SLC47A1: variants seen among roughly 807,000 people sequenced by gnomAD.
SLC47A1 encodes solute carrier family 47 member 1.
Under a neutral mutation model 65.8 loss-of-function variants are expected in SLC47A1, and 58 were observed. The ratio of observed to expected loss-of-function variants is 0.88; its 90% CI spans 0.71 to 1.10. The LOEUF is 1.10. Among genes scored for constraint, SLC47A1 ranks in the 50% least tolerant of loss-of-function variants. SLC47A1 has a pLI of 0.00. For missense variants in SLC47A1, 706 were observed against 719.2 expected (o/e 0.98, Z 0.21); for synonymous variants, 285 against 295.0 (o/e 0.97, Z 0.35).
chr17:19,557,962 A>C, intron 10 of SLC47A1: 1 of 231,776 alleles, frequency 4.3e-6, no homozygotes, highest in Non-Finnish European at 8.8e-6. Flanking sequence ...TTTTGAATAT[A>C]TTTCCATATG....
At chr17:19,544,224 G>A (rs774958198) in intron 2 of SLC47A1, among the ~76,000 whole-genome samples, 5 of 152,230 alleles carry the variant, frequency 3.3e-5, no homozygotes, top group African/African-American at 1.2e-4. Context: ...GATTACAGGC[G>A]TGAGCCACTG....
intron 12 of SLC47A1, among the ~76,000 whole-genome samples, chr17:19,563,857 C>G (rs1367190385): frequency 6.6e-6 from 1 of 151,968 alleles, no homozygotes. Context: ...GGCGTGGTGG[C>G]ACGCACCTGT....
chr17:19,567,793 A>G (rs1004196024), intron 14 of SLC47A1: 3 of 155,480 alleles, frequency 1.9e-5, no homozygotes, highest in African/African-American at 7.2e-5. Flanking sequence ...TGCCCTTCTC[A>G]TCACCCTCAT....
intron 12 of SLC47A1, among the ~76,000 whole-genome samples, chr17:19,562,363 G>A (rs2084318224): frequency 6.6e-6 from 1 of 152,046 alleles, no homozygotes; most frequent in South Asian, 2.1e-4. Context: ...AGGAGTTCAA[G>A]ACCAGCTGGT....
At position 19,533,890 on chromosome 17, in the gene SLC47A1, C is replaced by CGGTACTCACTGCCGGCCTCCGT; in HGVS notation, c.-45_-44insTCACTGCCGGCCTCCGTGGTAC. 1 of 1,439,052 alleles carries CGGTACTCACTGCCGGCCTCCGT rather than the reference C, an allele frequency of 6.9e-7. No homozygotes were observed. The highest frequency in any genetic ancestry group is 9.1e-7 in the Non-Finnish European group (1 of 1,100,146). 89.1% of individuals were successfully genotyped at this position (1,439,052 alleles called of 1,614,324 possible). On this transcript the variant is annotated 5_prime_UTR_variant, in exon 1 of 17. Transcript: ENST00000270570. ...GCGCGGTACTCACTGCCGGCCTCCG[C>CGGTACTCACTGCCGGCCTCCGT]GGTACCCACTGCCGGCCTCCGCGCT...
chr17:19,577,183 ATTTCT>A (rs2152318365), intron 16 of SLC47A1, 139 bp from the exon 17 acceptor site: 6 of 1,205,984 alleles, frequency 5.0e-6, no homozygotes, highest in South Asian at 3.3e-5. Context: ...CTGCGATAAG[ATTTCT>A]TTTATTTATT....
intron 14 of SLC47A1, among the ~76,000 whole-genome samples, chr17:19,570,545 A>G (rs559588789): frequency 6.6e-6 from 1 of 152,314 alleles, no homozygotes; most frequent in East Asian, 1.9e-4. Flanking sequence ...GTGCAGACCA[A>G]AATTAGGCAA....
At chr17:19,540,455 G>A (rs1391692782) in intron 1 of SLC47A1, among the ~76,000 whole-genome samples, 1 of 152,166 alleles carries the variant, frequency 6.6e-6, no homozygotes, top group Non-Finnish European at 1.5e-5. Context: ...ACAAATAAAA[G>A]GGACCCTGTG....
chr17:19,552,172 A>G (rs141311429), intron 6 of SLC47A1, among the ~76,000 whole-genome samples: 73 of 152,324 alleles, frequency 4.8e-4, no homozygotes, highest in African/African-American at 1.7e-3. Context: ...TTTCCCACCT[A>G]TGCAGTGTTC....
chr17:19,555,505 G>A (rs1046835558), intron 7 of SLC47A1, 88 bp from the exon 8 acceptor site: 9 of 1,414,038 alleles, frequency 6.4e-6, no homozygotes, highest in South Asian at 2.4e-5. Flanking sequence ...AGGACAGCAC[G>A]GGAAGGGATG....
intron 12 of SLC47A1, among the ~76,000 whole-genome samples, chr17:19,562,523 CCACTG>C (rs1244503570): frequency 6.6e-6 from 1 of 151,488 alleles, no homozygotes; most frequent in Admixed American, 6.6e-5. Flanking sequence ...TGAGATTGTG[CCACTG>C]CACTCCAGCC....
At chr17:19,545,198 A>AT (rs1567966663) in intron 2 of SLC47A1, among the ~76,000 whole-genome samples, 7 of 151,698 alleles carry the variant, frequency 4.6e-5, no homozygotes, top group East Asian at 1.9e-4. Context: ...CTTAATAAAA[A>AT]ATTTTTTTTT....
In SLC47A1 at chr17:19,562,633, C is replaced by G. The variant is rs142957984; in HGVS notation, c.1106+2140C>G. On this transcript the variant is annotated intron_variant, in intron 12 of 16. Transcript: ENST00000270570. ...GGGGAAGGCGATGGCAAATAGTTGG[C>G]TTTTCTCACAAAGGGAATCAGGATG... Among the ~76,000 whole-genome samples, 79 of 151,816 alleles carry G rather than the reference C, an allele frequency of 5.2e-4. 2 individuals carry two copies. The East Asian group carries it at 7.7e-3, about 15-fold the overall frequency.
In SLC47A1 at chr17:19,572,790, A is replaced by T. The variant is rs1472045512; in HGVS notation, c.1415A>T (p.His472Leu). ...WKKACQQAQV[H>L]ANLKVNNVPR... ...AGTTTCATTTTCCAGGCTCAGGTAC[A>T]CGCCAATTTGAAAGTAAACAACGTG... Residue 472 changes from histidine (H) to leucine (L), a missense_variant, in exon 16 of 17, where the codon CAC (histidine) becomes CTC (leucine). Physicochemically the swap from His to Leu is moderately conservative, Grantham distance 99. Coordinates refer to ENST00000270570, the MANE Select transcript of SLC47A1 (RefSeq NM_018242.3). 1.2e-6 allele frequency: 2 copies of T among 1,614,162 alleles called. No homozygotes were observed. Among genetic ancestry groups the T allele is most frequent in the East Asian group, 4.5e-5 (2 of 44,878 alleles).
rs1464127041 is a variant in SLC47A1, at chr17:19,534,072, G to A, written c.133G>A (p.Ala45Thr). 3 of 1,538,536 alleles carry A rather than the reference G, an allele frequency of 1.9e-6. No homozygotes were observed. Among genetic ancestry groups the A allele is most frequent in the South Asian group, 2.4e-5 (2 of 81,980 alleles). ...LRALLVLAGP[A>T]FLVQLMVFLI... ...GGCGCTCTTGGTCCTGGCTGGCCCC[G>A]CGGTGAGTAAGGTGGCCTCAGTGGC... Residue 45 changes from alanine to threonine, a missense_variant and splice_region_variant, in exon 1 of 17, where the codon GCG becomes ACG. Ala to Thr is a moderately conservative substitution (Grantham distance 58, BLOSUM62 0). Coordinates refer to ENST00000270570, the MANE Select transcript of SLC47A1 (RefSeq NM_018242.3).
chr17:19,559,996 C>A, intron 10 of SLC47A1, 192 bp from the exon 11 acceptor site: 1 of 565,956 alleles, frequency 1.8e-6, no homozygotes. Flanking sequence ...TGCTAAGCAT[C>A]GTAACCTGGG....
intron 12 of SLC47A1, among the ~76,000 whole-genome samples, chr17:19,563,737 C>T (rs1454056004): frequency 2.0e-5 from 3 of 151,778 alleles, no homozygotes; most frequent in Non-Finnish European, 4.4e-5. Context: ...GCCTGTAATC[C>T]CAGCACTTTG....
intron 6 of SLC47A1, among the ~76,000 whole-genome samples, chr17:19,553,061 G>C (rs1916498822): frequency 6.6e-6 from 1 of 152,026 alleles, no homozygotes; most frequent in African/African-American, 2.4e-5. Context: ...GGGGTTGTTG[G>C]GCCCCCAGGG....
Position 19,578,451 on chromosome 17 carries a change from C to T in SLC47A1, c.*898C>T, listed in dbSNP as rs754382715. 3 of 179,898 alleles carry T rather than the reference C, an allele frequency of 1.7e-5. No homozygotes were observed. Among genetic ancestry groups the T allele is most frequent in the Non-Finnish European group, 3.5e-5 (3 of 85,284 alleles). The allele number at this position is 179,898 out of a possible 1,614,324, so 11.1% of individuals were successfully genotyped here. On this transcript the variant is annotated 3_prime_UTR_variant, in exon 17 of 17. Coordinates refer to ENST00000270570, the MANE Select transcript of SLC47A1 (RefSeq NM_018242.3). ...GATCAAGCAATCCTTCCACCTTGCC[C>T]TCCCAAAGTGTTGGGATTATAGGCA...
Sources: gnomAD v4.1 joint callset for allele counts (sites outside exome capture counted in the v4.1 genomes callset) on GRCh38, gnomAD v4.1.1 for gene constraint, MANE v1.5 for transcripts, NCBI Gene and HGNC (gene_info 2026-07-23, HGNC 2026-07-21) for gene names.